Variants in MED13L observed in about 807,000 individuals in gnomAD.
MED13L encodes mediator of RNA polymerase II transcription subunit 13-like.
MED13L carries 7 observed loss-of-function variants against 220.9 expected under a neutral mutation model. The observed-to-expected ratio is 0.03, with a 90% confidence interval of 0.02 to 0.06. The LOEUF (loss-of-function observed/expected upper bound fraction) is 0.06, where lower values mean the gene tolerates loss of function less well. MED13L is among the 10% of genes least tolerant of loss of function. MED13L has a pLI of 1.00. For synonymous variants in MED13L, 1,011 were observed against 1,015.2 expected, an observed-to-expected ratio of 1.00 and a Z score of 0.08; for missense variants, 1,965 against 2,760.5, an observed-to-expected ratio of 0.71 and a Z score of 6.46.
At chr12:115,968,739 G>T (rs183000204) in intron 28 of MED13L, among the ~76,000 whole-genome samples, 1 of 152,318 alleles carries the variant, frequency 6.6e-6, no homozygotes. Context: ...TTATTCATCA[G>T]AAATAATAAC....
At chr12:116,191,148 G>T (rs1323350448) in intron 2 of MED13L, among the ~76,000 whole-genome samples, 3 of 150,530 alleles carry the variant, frequency 2.0e-5, no homozygotes, top group African/African-American at 7.3e-5. Context: ...GTTCAGTCAA[G>T]GAACAGTAAT....
At chr12:116,104,287 G>C (rs970772145) in intron 3 of MED13L, among the ~76,000 whole-genome samples, 2 of 152,018 alleles carry the variant, frequency 1.3e-5, no homozygotes, top group Non-Finnish European at 2.9e-5. Context: ...TGGGACTACA[G>C]GTGTGAGCCA....
At chr12:116,155,143 G>T (rs1375046888) in intron 2 of MED13L, among the ~76,000 whole-genome samples, 2 of 152,136 alleles carry the variant, frequency 1.3e-5, no homozygotes, top group African/African-American at 4.8e-5. Flanking sequence ...TTCTCTTATG[G>T]CCAGGCACAG....
chr12:116,158,067 T>C (rs1466468617), intron 2 of MED13L, among the ~76,000 whole-genome samples: 1 of 150,744 alleles, frequency 6.6e-6, no homozygotes, highest in Non-Finnish European at 1.5e-5. Context: ...AAGCAGTAGA[T>C]GAGGAGCTTA....
intron 3 of MED13L, among the ~76,000 whole-genome samples, chr12:116,106,802 C>T (rs997723056): frequency 4.7e-5 from 7 of 149,834 alleles, no homozygotes; most frequent in Non-Finnish European, 1.0e-4. Flanking sequence ...GCCAAGATCG[C>T]GCCACTGCAC....
chr12:116,109,717 C>T (rs780406864), intron 3 of MED13L, among the ~76,000 whole-genome samples: 8 of 152,052 alleles, frequency 5.3e-5, no homozygotes, highest in Non-Finnish European at 1.2e-4. Flanking sequence ...TACTTTGTTT[C>T]GTTTTACAGT....
chr12:116,110,789 A>G (rs1874016768), intron 3 of MED13L, among the ~76,000 whole-genome samples: 1 of 152,164 alleles, frequency 6.6e-6, no homozygotes, highest in African/African-American at 2.4e-5. Context: ...TGGTATTCCT[A>G]CTACTAATAA....
intron 22 of MED13L, 114 bp downstream of exon 22, chr12:115,982,270 G>C: frequency 9.1e-7 from 1 of 1,093,676 alleles, no homozygotes; most frequent in Non-Finnish European, 1.3e-6. Context: ...ATTTTGGTTA[G>C]GGGATAATTA....
intron 4 of MED13L, among the ~76,000 whole-genome samples, chr12:116,038,580 GA>G: frequency 6.6e-6 from 1 of 152,078 alleles, no homozygotes; most frequent in South Asian, 2.1e-4. Context: ...CAGCTTGAAA[GA>G]AACATAGGGA....
Position 116,125,209 on chromosome 12 carries a change from G to A in MED13L, c.311-13697C>T, listed in dbSNP as rs376599405. Reference sequence around the variant, plus strand: ...TATGTAGCCAGGCAATGTGGCAGGAGCCCATAATCCCAGCTATTCAGGCTG... The same window carrying A: ...TATGTAGCCAGGCAATGTGGCAGGAACCCATAATCCCAGCTATTCAGGCTG... On this transcript the variant is annotated intron_variant, in intron 2 of 30. Transcript: ENST00000281928. 1.6e-4 allele frequency among the ~76,000 whole-genome samples: 25 copies of A among 152,284 alleles called. No individual in the cohort carries two copies. The East Asian group carries it at 1.9e-3, about 12-fold the overall frequency.
intron 2 of MED13L, among the ~76,000 whole-genome samples, chr12:116,117,064 T>A (rs528859398): frequency 2.0e-5 from 3 of 151,874 alleles, no homozygotes; most frequent in African/African-American, 7.2e-5. Context: ...CAAATGTCTC[T>A]CAACAGTGGG....
At chr12:115,969,311 T>C (rs1876410966) in intron 27 of MED13L, among the ~76,000 whole-genome samples, 1 of 152,178 alleles carries the variant, frequency 6.6e-6, no homozygotes, top group Admixed American at 6.5e-5. Context: ...TCTCCTTATG[T>C]ACAGTATTAA....
intron 1 of MED13L, among the ~76,000 whole-genome samples, chr12:116,247,245 A>C (rs1004929495): frequency 1.4e-4 from 22 of 152,176 alleles, no homozygotes; most frequent in African/African-American, 5.1e-4. Flanking sequence ...TTTAAAAAAA[A>C]AAAGGAAATT....
chr12:116,274,150 G>A (rs1016035766), intron 1 of MED13L, among the ~76,000 whole-genome samples: 3 of 152,100 alleles, frequency 2.0e-5, no homozygotes, highest in Non-Finnish European at 4.4e-5. Flanking sequence ...TTTTTCACAC[G>A]TTAGGAAAAG....
At chr12:116,106,725 A>C (rs1444953487) in intron 3 of MED13L, among the ~76,000 whole-genome samples, 1 of 152,060 alleles carries the variant, frequency 6.6e-6, no homozygotes, top group East Asian at 1.9e-4. Flanking sequence ...GGGTACCTGT[A>C]ATCCCAGCTA....
intron 2 of MED13L, among the ~76,000 whole-genome samples, chr12:116,164,385 C>A (rs1342458453): frequency 6.6e-6 from 1 of 152,048 alleles, no homozygotes; most frequent in Non-Finnish European, 1.5e-5. Flanking sequence ...AAGAAAAAAA[C>A]CAACAACAAA....
intron 4 of MED13L, among the ~76,000 whole-genome samples, chr12:116,074,860 A>T (rs1870657066): frequency 1.3e-5 from 2 of 152,272 alleles, no homozygotes; most frequent in Admixed American, 6.5e-5. Context: ...ACCACTGCAT[A>T]TAAATTCAGA....
intron 2 of MED13L, among the ~76,000 whole-genome samples, chr12:116,232,852 C>T (rs761045301): frequency 1.3e-5 from 2 of 152,032 alleles, no homozygotes; most frequent in African/African-American, 4.8e-5. Flanking sequence ...TTTGGGAGGC[C>T]GAGGCGGGCG....
intron 2 of MED13L, among the ~76,000 whole-genome samples, chr12:116,136,709 T>C (rs143582360): frequency 1.3e-5 from 2 of 152,364 alleles, no homozygotes; most frequent in Non-Finnish European, 2.9e-5. Flanking sequence ...TCTTAATCTG[T>C]ATTTTTATCA....
Sources: gnomAD v4.1 joint callset for allele counts (sites outside exome capture counted in the v4.1 genomes callset) on GRCh38, gnomAD v4.1.1 for gene constraint, MANE v1.5 for transcripts, NCBI Gene and HGNC (gene_info 2026-07-23, HGNC 2026-07-21) for gene names.